Variants in ZCCHC7 observed in about 807,000 individuals in gnomAD.
ZCCHC7 encodes the protein zinc finger CCHC domain-containing protein 7.
A neutral mutation model predicts 52.0 loss-of-function variants in ZCCHC7; 35 were observed. The observed-to-expected ratio is 0.67, with a 90% CI of 0.51 to 0.89. The LOEUF (loss-of-function observed/expected upper bound fraction) is 0.89. Among genes scored for constraint, ZCCHC7 ranks in the 40% least tolerant of loss-of-function variants. The pLI is 0.00. For synonymous variants in ZCCHC7, 217 were observed against 221.5 expected, an observed-to-expected ratio of 0.98 and a Z score of 0.18; for missense variants, 574 against 649.1, an observed-to-expected ratio of 0.88 and a Z score of 1.26.
At chr9:37,195,031 C>T (rs968641573) in intron 2 of ZCCHC7, among the ~76,000 whole-genome samples, 10 of 150,672 alleles carry the variant, frequency 6.6e-5, no homozygotes, top group African/African-American at 2.5e-4. Flanking sequence ...ACTGCAACCT[C>T]CACCACCCGG....
intron 2 of ZCCHC7, among the ~76,000 whole-genome samples, chr9:37,222,328 AGTGTGTGTGTGTGTGTGTGTGT>A (rs74182938): frequency 2.5e-4 from 33 of 133,094 alleles, no homozygotes; most frequent in South Asian, 1.8e-3. Context: ...AGAATAACAG[AGTGTGTGTGTGTGTGTGTGTGT>A]GTGTGTGTGT....
chr9:37,145,339 C>T (rs568280700), intron 2 of ZCCHC7, among the ~76,000 whole-genome samples: 84 of 151,820 alleles, frequency 5.5e-4, no homozygotes, highest in African/African-American at 2.0e-3. Context: ...GAAAAACAGA[C>T]TGTCTTTATT....
At chr9:37,342,664 A>C (rs1322436394) in intron 6 of ZCCHC7, among the ~76,000 whole-genome samples, 1 of 152,218 alleles carries the variant, frequency 6.6e-6, no homozygotes, top group Non-Finnish European at 1.5e-5. Context: ...AATCTGTTGC[A>C]AGAGGAAGTG....
intron 2 of ZCCHC7, among the ~76,000 whole-genome samples, chr9:37,137,664 T>C (rs549364813): frequency 6.4e-4 from 98 of 152,200 alleles, no homozygotes; most frequent in Non-Finnish European, 1.2e-3. Flanking sequence ...ACCAGCTGTT[T>C]AACGTGTATT....
chr9:37,250,264 CAT>C (rs1340848494), intron 2 of ZCCHC7, among the ~76,000 whole-genome samples: 2 of 151,208 alleles, frequency 1.3e-5, no homozygotes, highest in African/African-American at 2.4e-5. Flanking sequence ...CAGAAAGTCT[CAT>C]GTGTACTAGG....
At position 37,291,375 on chromosome 9, in the gene ZCCHC7, G is replaced by A. The variant is rs926961737; in HGVS notation, c.611-10813G>A. On this transcript the variant is annotated intron_variant, in intron 2 of 8. Transcript: ENST00000336755. The stretch of plus-strand genomic sequence containing the variant: ...ATGTATTTCTGTGTAAAAAAAAAAA[G>A]CAGAGTATTCTCATAGTTACTCATT... Among the ~76,000 whole-genome samples, 6 of 150,826 alleles carry A rather than the reference G, an allele frequency of 4.0e-5. No individual in the cohort carries two copies. The East Asian group carries it at 1.2e-3, about 29-fold the overall frequency.
intron 5 of ZCCHC7, chr9:37,327,239 AT>A (rs1397665561): frequency 1.3e-5 from 2 of 152,136 alleles, no homozygotes; most frequent in South Asian, 2.1e-4. Context: ...ATATGGAAAG[AT>A]TAGACAGTTT....
At chr9:37,193,238 T>C (rs1355516219) in intron 2 of ZCCHC7, among the ~76,000 whole-genome samples, 1 of 152,200 alleles carries the variant, frequency 6.6e-6, no homozygotes, top group Non-Finnish European at 1.5e-5. Context: ...AACTTTAACA[T>C]TTTAACAGAA....
At chr9:37,227,075 T>A (rs1039956571) in intron 2 of ZCCHC7, among the ~76,000 whole-genome samples, 2 of 151,018 alleles carry the variant, frequency 1.3e-5, no homozygotes, top group Non-Finnish European at 2.9e-5. Flanking sequence ...TTGGGTTATA[T>A]ATTTTAATAT....
intron 5 of ZCCHC7, chr9:37,326,834 A>G (rs1231125146): frequency 2.6e-5 from 4 of 152,126 alleles, no homozygotes; most frequent in Admixed American, 1.3e-4. Flanking sequence ...CTCTAATTTT[A>G]GGCATGCATC....
rs1829260834 is a variant in ZCCHC7, at chr9:37,305,567, C to T, written c.804C>T (p.Cys268=). The change falls in exon 5 of 9, where the codon TGC becomes TGT. Residue 268 remains cysteine, a synonymous_variant. Coordinates refer to ENST00000336755, the MANE Select transcript of ZCCHC7 (RefSeq NM_032226.3). The part of the protein sequence containing the change: ...LPRKVRRCFL[C]SRRGHLLYSC... ...AGAAAGTTCGTCGCTGCTTCCTGTG[C>T]TCCAGGAGAGGACATCTCCTGTATT... 6.2e-7 allele frequency: 1 copy of T among 1,613,866 alleles called. No individual in the cohort carries two copies. Among genetic ancestry groups the T allele is most frequent in the Non-Finnish European group, 8.5e-7 (1 of 1,180,018 alleles).
intron 2 of ZCCHC7, among the ~76,000 whole-genome samples, chr9:37,200,239 T>A (rs1418059936): frequency 6.6e-6 from 1 of 152,052 alleles, no homozygotes; most frequent in Non-Finnish European, 1.5e-5. Flanking sequence ...CTTTCAACTC[T>A]CCTCCTTTTT....
At chr9:37,297,930 T>C (rs1007588254) in intron 2 of ZCCHC7, among the ~76,000 whole-genome samples, 9 of 152,196 alleles carry the variant, frequency 5.9e-5, no homozygotes, top group African/African-American at 2.2e-4. Flanking sequence ...GCTTCTATCT[T>C]TCAGAAATCC....
At chr9:37,211,694 ACTGTTG>A (rs1824223461) in intron 2 of ZCCHC7, among the ~76,000 whole-genome samples, 1 of 152,134 alleles carries the variant, frequency 6.6e-6, no homozygotes, top group African/African-American at 2.4e-5. Context: ...TCTGCAAAGG[ACTGTTG>A]CTAGTGTAAA....
At chr9:37,216,913 CTAA>C (rs1321178716) in intron 2 of ZCCHC7, among the ~76,000 whole-genome samples, 6 of 151,998 alleles carry the variant, frequency 3.9e-5, no homozygotes, top group East Asian at 1.9e-4. Context: ...AGGATAATTT[CTAA>C]TAATAATTAT....
intron 7 of ZCCHC7, among the ~76,000 whole-genome samples, chr9:37,349,979 G>A (rs1821267725): frequency 6.6e-6 from 1 of 151,550 alleles, no homozygotes; most frequent in Admixed American, 6.6e-5. Flanking sequence ...GTAGAGATGG[G>A]GTTTTACCAT....
intron 2 of ZCCHC7, among the ~76,000 whole-genome samples, chr9:37,196,230 A>G (rs1329556412): frequency 6.6e-6 from 1 of 152,216 alleles, no homozygotes; most frequent in Non-Finnish European, 1.5e-5. Context: ...TGTCCAGTAC[A>G]ACAATAGGCT....
intron 2 of ZCCHC7, among the ~76,000 whole-genome samples, chr9:37,149,438 C>T (rs761820593): frequency 6.6e-6 from 1 of 151,622 alleles, no homozygotes; most frequent in Non-Finnish European, 1.5e-5. Flanking sequence ...AAAAAAATAC[C>T]CCCCTGTCCC....
At chr9:37,230,743 A>ACAC (rs1825362904) in intron 2 of ZCCHC7, among the ~76,000 whole-genome samples, 1 of 152,006 alleles carries the variant, frequency 6.6e-6, no homozygotes, top group Non-Finnish European at 1.5e-5. Flanking sequence ...ATAATGAATT[A>ACAC]ATTTTTTTAT....
Sources: allele counts gnomAD v4.1 joint callset (sites outside exome capture counted in the v4.1 genomes callset), GRCh38; gene constraint gnomAD v4.1.1; transcripts MANE v1.5; gene names NCBI Gene and HGNC (gene_info 2026-07-23, HGNC 2026-07-21).